MYPN: variants seen among roughly 807,000 people sequenced by gnomAD.
MYPN encodes the protein sarcomeric protein myopalladin, 145 kDa (MYOP).
A neutral mutation model predicts 129.4 loss-of-function variants in MYPN; 63 were observed. The ratio of observed to expected loss-of-function variants is 0.49; its 90% CI spans 0.40 to 0.60. MYPN has a LOEUF of 0.60. MYPN is among the 20% of genes least tolerant of loss of function. The pLI is 0.00. For missense variants in MYPN, 1,596 were observed against 1,635.4 expected, an observed-to-expected ratio of 0.98 and a Z score of 0.42; for synonymous variants, 629 against 600.9, an observed-to-expected ratio of 1.05 and a Z score of -0.68.
chr10:68,193,410 G>C (rs1315051458), intron 13 of MYPN, among the ~76,000 whole-genome samples: 1 of 152,124 alleles, frequency 6.6e-6, no homozygotes, highest in Non-Finnish European at 1.5e-5. Context: ...GATTTTCATA[G>C]CCATCAAACT....
Position 68,201,977 on chromosome 10 carries a change from C to T in MYPN, c.3642C>T (p.Cys1214=). 1 of 1,614,060 alleles carries T rather than the reference C, an allele frequency of 6.2e-7. No individual in the cohort carries two copies. The highest frequency in any genetic ancestry group is 1.1e-5 in the South Asian group (1 of 91,082). Residue 1214 remains cysteine (C), a synonymous_variant, in exon 18 of 20, where the codon TGC becomes TGT. Coordinates refer to ENST00000358913, the MANE Select transcript of MYPN (RefSeq NM_032578.4). ...AGAAAGACAATGAGACCATCCCTTG[C>T]ACCAGAGAGAGGATCAGGTACAGCA... ...YWKKDNETIP[C]TRERISMHQD...
chr10:68,089,888 G>T (rs1358737140), intron 1 of MYPN, among the ~76,000 whole-genome samples: 2 of 152,116 alleles, frequency 1.3e-5, no homozygotes, highest in African/African-American at 4.8e-5. Context: ...TTCACTTAAT[G>T]ATAATCTTGG....
At chr10:68,192,702 T>C (rs539878980) in intron 13 of MYPN, among the ~76,000 whole-genome samples, 5 of 108 alleles carry the variant, frequency 0.046, no homozygotes, top group East Asian at 0.42. Flanking sequence ...TCATTATTGG[T>C]CTGGTCTGCT....
At chr10:68,097,047 T>C (rs1374872919) in intron 1 of MYPN, among the ~76,000 whole-genome samples, 1 of 152,216 alleles carries the variant, frequency 6.6e-6, no homozygotes, top group African/African-American at 2.4e-5. Flanking sequence ...CAAATTATAA[T>C]TTAAATCCTT....
intron 12 of MYPN, among the ~76,000 whole-genome samples, chr10:68,187,405 C>T (rs571084406): frequency 1.3e-5 from 2 of 151,796 alleles, no homozygotes; most frequent in African/African-American, 4.8e-5. Context: ...TTTCATTTGG[C>T]TAGTAATTTG....
At chr10:68,090,707 AC>A (rs1433897018) in intron 1 of MYPN, among the ~76,000 whole-genome samples, 1 of 152,168 alleles carries the variant, frequency 6.6e-6, no homozygotes, top group Non-Finnish European at 1.5e-5. Flanking sequence ...AAAATGTTAT[AC>A]CCATTGTTCA....
At chr10:68,097,343 T>C (rs1466599789) in intron 1 of MYPN, among the ~76,000 whole-genome samples, 1 of 152,214 alleles carries the variant, frequency 6.6e-6, no homozygotes, top group African/African-American at 2.4e-5. Context: ...AAACCTGAAC[T>C]GCTGCTGTGT....
At chr10:68,119,323 T>C (rs757385759) in intron 1 of MYPN, among the ~76,000 whole-genome samples, 15 of 152,162 alleles carry the variant, frequency 9.9e-5, no homozygotes, top group Non-Finnish European at 1.6e-4. Flanking sequence ...AATTTTTAAA[T>C]ATTATCATGT....
At chr10:68,159,536 T>C (rs2042938574) in intron 7 of MYPN, among the ~76,000 whole-genome samples, 1 of 152,222 alleles carries the variant, frequency 6.6e-6, no homozygotes, top group East Asian at 1.9e-4. Context: ...ATTGTAAGAA[T>C]TATTTAGAAA....
rs781757880 is a variant in MYPN at position 68,174,150 on chromosome 10, G to A, written c.2058G>A (p.Lys686=). ...QLQNPPPSSP[K]EFPFSMTVLN... The stretch of plus-strand genomic sequence containing the variant: ...AAAACCCACCTCCTTCATCTCCTAA[G>A]GAGTTTCCTTTCAGCATGACTGTTT... Residue 686 remains lysine (K), a synonymous_variant, in exon 11 of 20, where the codon AAG becomes AAA. Coordinates refer to ENST00000358913, the MANE Select transcript of MYPN (RefSeq NM_032578.4). The A allele has an allele frequency of 6.2e-7, 1 of 1,613,952 alleles. No individual in the cohort carries two copies.
chr10:68,209,671 C>CTTTTTTTTTTTTTTTTTTGTTTTTTTTT (rs35392300), intron 19 of MYPN, among the ~76,000 whole-genome samples: 1 of 131,238 alleles, frequency 7.6e-6, no homozygotes, highest in Non-Finnish European at 1.6e-5. Flanking sequence ...GAATTCTTTT[C>CTTTTTTTTTTTTTTTTTTGTTTTTTTTT]TTTTTTTTTT....
intron 7 of MYPN, 133 bp downstream of exon 7, chr10:68,158,760 C>T: frequency 1.5e-6 from 1 of 658,518 alleles, no homozygotes; most frequent in Non-Finnish European, 2.5e-6. Flanking sequence ...TAATCATACT[C>T]CTGTTAATAT....
intron 3 of MYPN, among the ~76,000 whole-genome samples, chr10:68,143,332 TATG>T (rs1222094236): frequency 6.6e-6 from 1 of 152,056 alleles, no homozygotes; most frequent in Non-Finnish European, 1.5e-5. Context: ...AAATAAAATA[TATG>T]ATATGATAGG....
At chr10:68,106,206 G>C (rs2042010926), upstream of MYPN, 1 of 453,346 alleles carries the variant, frequency 2.2e-6, no homozygotes, top group African/African-American at 2.0e-5. Flanking sequence ...TTACTTCTCA[G>C]GATAATGTTT....
chr10:68,096,000 A>C (rs1431589059), intron 1 of MYPN, among the ~76,000 whole-genome samples: 1 of 152,246 alleles, frequency 6.6e-6, no homozygotes, highest in Non-Finnish European at 1.5e-5. Flanking sequence ...ATTTTTTATT[A>C]GGCCTTTTTC....
At chr10:68,145,205 G>A (rs944856734) in intron 3 of MYPN, among the ~76,000 whole-genome samples, 1 of 151,922 alleles carries the variant, frequency 6.6e-6, no homozygotes, top group African/African-American at 2.4e-5. Flanking sequence ...TGTATTTTTA[G>A]TAGAGATGGG....
At chr10:68,197,884 A>T (rs535015211) in intron 16 of MYPN, among the ~76,000 whole-genome samples, 16 of 152,176 alleles carry the variant, frequency 1.1e-4, no homozygotes, top group African/African-American at 2.9e-4. Flanking sequence ...GCTACTAAGT[A>T]TCTAATGGGC....
At chr10:68,115,469 G>C (rs962225534) in intron 1 of MYPN, among the ~76,000 whole-genome samples, 1 of 151,994 alleles carries the variant, frequency 6.6e-6, no homozygotes, top group Admixed American at 6.6e-5. Flanking sequence ...TCAGCAAACC[G>C]CATTGGCTCT....
At chr10:68,090,848 G>T (rs1049642156) in intron 1 of MYPN, among the ~76,000 whole-genome samples, 3 of 152,102 alleles carry the variant, frequency 2.0e-5, no homozygotes, top group African/African-American at 7.2e-5. Flanking sequence ...AGACCTTGGA[G>T]CTTATAATTA....
Sources: allele counts gnomAD v4.1 joint callset (sites outside exome capture counted in the v4.1 genomes callset), GRCh38; gene constraint gnomAD v4.1.1; transcripts MANE v1.5; gene names NCBI Gene and HGNC (gene_info 2026-07-23, HGNC 2026-07-21).